TP73: variants seen among roughly 807,000 people sequenced by gnomAD.
TP73 encodes the protein tumor protein p73, also known as p53-like transcription factor.
TP73 carries 25 observed loss-of-function variants against 62.5 expected under a neutral mutation model. The observed-to-expected ratio is 0.40, with a 90% CI of 0.29 to 0.56. The LOEUF is 0.56. TP73 is among the 20% of genes least tolerant of loss of function. The pLI is 0.46. For missense variants in TP73, 754 were observed against 913.3 expected, an observed-to-expected ratio of 0.83 and a Z score of 2.25; for synonymous variants, 423 against 377.5, an observed-to-expected ratio of 1.12 and a Z score of -1.40.
At chr1:3,731,640 C>A in intron 13 of TP73, 84 bp downstream of exon 13, 1 of 1,278,366 alleles carries the variant, frequency 7.8e-7, no homozygotes, top group Non-Finnish European at 1.1e-6. Flanking sequence ...CTCTTCCTTG[C>A]TCTCGTGGCT....
At chr1:3,674,886 T>C (rs1645329739) in intron 1 of TP73, among the ~76,000 whole-genome samples, 1 of 152,226 alleles carries the variant, frequency 6.6e-6, no homozygotes, top group Non-Finnish European at 1.5e-5. Context: ...TTCATTCTGG[T>C]GCGCTGACCG....
intron 1 of TP73, among the ~76,000 whole-genome samples, chr1:3,654,026 T>A (rs1484204882): frequency 6.6e-6 from 1 of 152,008 alleles, no homozygotes; most frequent in South Asian, 2.1e-4. Context: ...ATACAAAAAT[T>A]AGCTGGGCAT....
intron 1 of TP73, among the ~76,000 whole-genome samples, chr1:3,669,536 C>T (rs1382258231): frequency 2.0e-5 from 3 of 152,232 alleles, no homozygotes; most frequent in Non-Finnish European, 4.4e-5. Flanking sequence ...CAGCCTGGCA[C>T]GTCCGGGGGC....
In TP73 at chr1:3,666,931, A is replaced by AG. The variant is rs1187860160; in HGVS notation, c.-34+14290_-34+14291insG. Among the ~76,000 whole-genome samples the AG allele has an allele frequency of 6.6e-6, 1 of 152,140 alleles. No individual in the cohort carries two copies. The highest frequency in any genetic ancestry group is 1.5e-5 in the Non-Finnish European group (1 of 68,036). On this transcript the variant is annotated intron_variant, in intron 1 of 13. Coordinates refer to ENST00000378295, the MANE Select transcript of TP73 (RefSeq NM_005427.4). This position sits in a 1 kb window ranked among gnomAD's most constrained non-coding sequence, Gnocchi z 6.4. The stretch of plus-strand genomic sequence containing the variant: ...GTCCCAATCCCCAGAACCCGTGTCT[A>AG]TGTTATTTCCCATGGCAAAGGGGAC...
In TP73 at chr1:3,707,723, T is replaced by C. The variant is rs1639792227; in HGVS notation, c.361T>C (p.Tyr121His). The C allele has an allele frequency of 6.2e-7, 1 of 1,613,138 alleles. No homozygotes were observed. Among genetic ancestry groups the C allele is most frequent in the Non-Finnish European group, 8.5e-7 (1 of 1,179,930 alleles). ...GCCTGTCATCCCCTCCAACACCGAC[T>C]ACCCCGGACCCCACCACTTTGAGGT... ...PAPVIPSNTD[Y>H]PGPHHFEVTF... Residue 121 changes from tyrosine to histidine, a missense_variant, in exon 4 of 14, where the codon TAC becomes CAC. By Grantham distance (83) the Tyr-to-His change is moderately conservative. Coordinates refer to ENST00000378295, the MANE Select transcript of TP73 (RefSeq NM_005427.4).
At chr1:3,669,831 G>A (rs972342723) in intron 1 of TP73, among the ~76,000 whole-genome samples, 4 of 152,230 alleles carry the variant, frequency 2.6e-5, no homozygotes, top group African/African-American at 9.6e-5. Context: ...GACAGGGGAG[G>A]GGCTTGTGGG....
rs921346405 is a variant in TP73 at position 3,718,255 on chromosome 1, G to A, written c.430-3766G>A. 5.9e-5 allele frequency among the ~76,000 whole-genome samples: 9 copies of A among 152,170 alleles called. 1 individual carries two copies. Among genetic ancestry groups the A allele is most frequent in the African/African-American group, 2.2e-4 (9 of 41,454 alleles). On this transcript the variant is annotated intron_variant, in intron 4 of 13. Coordinates refer to ENST00000378295, the MANE Select transcript of TP73 (RefSeq NM_005427.4). ...GCATCCACAGTGCTCCCCGCGCCTG[G>A]GCCCCCAGGACCTCTTGCAGACGGG... is the stretch of plus-strand genomic sequence containing the variant.
chr1:3,666,866 T>C lies in TP73; in HGVS notation c.-34+14225T>C, dbSNP rs1189627707. 6.6e-6 allele frequency among the ~76,000 whole-genome samples: 1 copy of C among 152,106 alleles called. No individual in the cohort carries two copies. Among genetic ancestry groups the C allele is most frequent in the African/African-American group, 2.4e-5 (1 of 41,412 alleles). On this transcript the variant is annotated intron_variant, in intron 1 of 13. Coordinates refer to ENST00000378295, the MANE Select transcript of TP73 (RefSeq NM_005427.4). The surrounding 1 kb of genome is among the most constrained non-coding windows in gnomAD (Gnocchi z 6.4). ...AAGATGTTTTTCAATGAGGGACATT[T>C]ATGGTTGGCAAAAAAAAGTGGCTCC... is the stretch of plus-strand genomic sequence containing the variant.
chr1:3,673,674 C>T (rs1267741768), intron 1 of TP73, among the ~76,000 whole-genome samples: 3 of 152,146 alleles, frequency 2.0e-5, no homozygotes, highest in Non-Finnish European at 4.4e-5. Context: ...GGGCACGAAG[C>T]GGTGGGGCAG....
At chr1:3,710,752 G>T (rs1419670812) in intron 4 of TP73, among the ~76,000 whole-genome samples, 3 of 152,142 alleles carry the variant, frequency 2.0e-5, no homozygotes, top group African/African-American at 7.3e-5. Flanking sequence ...CACACACACA[G>T]ACACAGCACC....
rs992831173 is a variant in TP73 at position 3,698,157 on chromosome 1, T to G, written c.187-9392T>G. On this transcript the variant is annotated intron_variant, in intron 3 of 13. Transcript: ENST00000378295. Reference sequence around the variant, plus strand: ...GATTCACATCTGCAGGACAGGTGGATGGATGGGCAGACAGATGGGCAGGGG... The same window carrying G: ...GATTCACATCTGCAGGACAGGTGGAGGGATGGGCAGACAGATGGGCAGGGG... 6 of 982,436 alleles carry G rather than the reference T, an allele frequency of 6.1e-6. No individual in the cohort carries two copies. In the African/African-American group the frequency reaches 1.0e-4, roughly 17 times the overall value. 60.9% of individuals were successfully genotyped at this position (982,436 alleles called of 1,614,324 possible). A position where few individuals can be genotyped will look rare whatever the true frequency, so the allele number is the denominator to read the frequency against.
intron 9 of TP73, among the ~76,000 whole-genome samples, chr1:3,728,985 CGAAA>C (rs1180953103): frequency 8.8e-6 from 1 of 113,462 alleles, no homozygotes; most frequent in Non-Finnish European, 2.1e-5. Context: ...AAGACGCTGT[CGAAA>C]GAAAGAGAGA....
chr1:3,713,518 G>C (rs967106773), intron 4 of TP73, among the ~76,000 whole-genome samples: 3 of 152,206 alleles, frequency 2.0e-5, no homozygotes, highest in African/African-American at 7.2e-5. Flanking sequence ...GCTGGGCAGT[G>C]AGTTAGTTTT....
At chr1:3,654,101 G>T (rs1274257245) in intron 1 of TP73, among the ~76,000 whole-genome samples, 1 of 152,230 alleles carries the variant, frequency 6.6e-6, no homozygotes, top group African/African-American at 2.4e-5. Context: ...TTGAACCTGG[G>T]ATGGAGAGGT....
At position 3,700,295 on chromosome 1, in the gene TP73, A is replaced by G. The variant is rs970248047; in HGVS notation, c.187-7254A>G. Among the ~76,000 whole-genome samples, 15 of 152,058 alleles carry G rather than the reference A, an allele frequency of 9.9e-5. No individual in the cohort carries two copies. The Middle Eastern group carries it at 0.01, about 103-fold the overall frequency. On this transcript the variant is annotated intron_variant, in intron 3 of 13. Transcript: ENST00000378295. ...TTTGCTGGCAGGTTTCTCTGTTGTC[A>G]TTTCCACTAAAAAATACGTTCCGTT...
chr1:3,693,114 C>G (rs1557519302), intron 3 of TP73, among the ~76,000 whole-genome samples: 1 of 149,780 alleles, frequency 6.7e-6, no homozygotes, highest in Non-Finnish European at 1.5e-5. Context: ...AGCCATGTCT[C>G]CAGCACCTCT....
chr1:3,715,764 G>C (rs1640543045), intron 4 of TP73, among the ~76,000 whole-genome samples: 1 of 152,070 alleles, frequency 6.6e-6, no homozygotes, highest in Non-Finnish European at 1.5e-5. Context: ...CTCTGCCTGT[G>C]GCCCTCGTCT....
Position 3,662,812 on chromosome 1 carries a change from C to T in TP73, c.-34+10171C>T, listed in dbSNP as rs1645026237. Among the ~76,000 whole-genome samples, 1 of 152,114 alleles carries T rather than the reference C, an allele frequency of 6.6e-6. No homozygotes were observed. The highest frequency in any genetic ancestry group is 2.4e-5 in the African/African-American group (1 of 41,424). Reference sequence around the variant, plus strand: ...CCTTGGAGATGGAATCAGCTCCCCACCAGGCCCCAGGACAGACCTGGCTGG... The same window carrying T: ...CCTTGGAGATGGAATCAGCTCCCCATCAGGCCCCAGGACAGACCTGGCTGG... On this transcript the variant is annotated intron_variant, in intron 1 of 13. Coordinates refer to ENST00000378295, the MANE Select transcript of TP73 (RefSeq NM_005427.4). The surrounding 1 kb of genome is among the most constrained non-coding windows in gnomAD (Gnocchi z 4.4).
intron 1 of TP73, among the ~76,000 whole-genome samples, chr1:3,659,646 C>G (rs1386401900): frequency 6.6e-6 from 1 of 152,152 alleles, no homozygotes; most frequent in East Asian, 1.9e-4. Flanking sequence ...TACATCACCC[C>G]TCTTTCTACT....
Sources: gnomAD v4.1 joint callset for allele counts (sites outside exome capture counted in the v4.1 genomes callset) on GRCh38, gnomAD v4.1.1 for gene constraint, Gnocchi (gnomAD v3.1) non-coding constraint, MANE v1.5 for transcripts, NCBI Gene and HGNC (gene_info 2026-07-23, HGNC 2026-07-21) for gene names.